Variants in GABRA4 observed in about 807,000 individuals in gnomAD.
GABRA4 encodes the protein gamma-aminobutyric acid type A receptor subunit alpha4, also known as gamma-aminobutyric acid receptor subunit alpha-4.
A neutral mutation model predicts 49.7 loss-of-function variants in GABRA4; 12 were observed. That is an observed-to-expected ratio of 0.24 (90% CI 0.15 to 0.39). The LOEUF (loss-of-function observed/expected upper bound fraction) is 0.39, where lower values mean the gene tolerates loss of function less well. Ranked by LOEUF, GABRA4 falls within the 10% of genes least tolerant of loss-of-function variation. The pLI is 1.00. For synonymous variants in GABRA4, 288 were observed against 240.2 expected, an observed-to-expected ratio of 1.20 and a Z score of -1.84; for missense variants, 506 against 686.0, an observed-to-expected ratio of 0.74 and a Z score of 2.93.
intron 8 of GABRA4, among the ~76,000 whole-genome samples, chr4:46,937,374 G>A (rs1721638497): frequency 6.6e-6 from 1 of 152,092 alleles, no homozygotes; most frequent in Non-Finnish European, 1.5e-5. Context: ...GAAACTAAAA[G>A]AATAATCTAA....
intron 8 of GABRA4, among the ~76,000 whole-genome samples, chr4:46,948,201 C>T (rs1722047830): frequency 6.6e-6 from 1 of 152,038 alleles, no homozygotes; most frequent in Non-Finnish European, 1.5e-5. Context: ...GACTTTGAAC[C>T]CCATCCAGGT....
intron 2 of GABRA4, among the ~76,000 whole-genome samples, chr4:46,987,895 C>G (rs1723597539): frequency 6.6e-6 from 1 of 152,098 alleles, no homozygotes; most frequent in South Asian, 2.1e-4. Flanking sequence ...TCCAGGTTCA[C>G]TAAGAGAATA....
intron 8 of GABRA4, among the ~76,000 whole-genome samples, chr4:46,931,041 G>T (rs776565006): frequency 2.0e-5 from 3 of 152,012 alleles, no homozygotes; most frequent in Non-Finnish European, 4.4e-5. Context: ...ACAGGACAAA[G>T]TACCAGAGAT....
chr4:46,971,739 A>G (rs956203625), intron 6 of GABRA4, among the ~76,000 whole-genome samples: 3 of 151,140 alleles, frequency 2.0e-5, no homozygotes, highest in African/African-American at 7.3e-5. Flanking sequence ...TTTCATTCAT[A>G]TATAGATTTC....
At chr4:46,991,103 T>C (rs1723727077) in intron 2 of GABRA4, among the ~76,000 whole-genome samples, 1 of 152,082 alleles carries the variant, frequency 6.6e-6, no homozygotes, top group Non-Finnish European at 1.5e-5. Context: ...GGAGAATCAC[T>C]TGAACCTGGG....
At chr4:46,949,532 G>A (rs1442033539) in intron 8 of GABRA4, among the ~76,000 whole-genome samples, 4 of 151,928 alleles carry the variant, frequency 2.6e-5, no homozygotes, top group African/African-American at 9.7e-5. Context: ...ACTATCCATT[G>A]TAGATTAATT....
intron 2 of GABRA4, among the ~76,000 whole-genome samples, chr4:46,984,251 C>T (rs1375842844): frequency 1.3e-5 from 2 of 152,048 alleles, no homozygotes; most frequent in African/African-American, 4.8e-5. Context: ...TTTCCAGCCA[C>T]CTTATCCATG....
intron 6 of GABRA4, among the ~76,000 whole-genome samples, chr4:46,973,940 T>G (rs1323647386): frequency 1.3e-5 from 2 of 151,918 alleles, no homozygotes; most frequent in East Asian, 1.9e-4. Context: ...AAGATCAGAC[T>G]TCCTACCACA....
chr4:46,941,587 A>C (rs1433385210), intron 8 of GABRA4, among the ~76,000 whole-genome samples: 1 of 152,134 alleles, frequency 6.6e-6, no homozygotes, highest in Non-Finnish European at 1.5e-5. Flanking sequence ...GTAAAATATT[A>C]CTATAGAATT....
At chr4:46,978,980 A>T in intron 3 of GABRA4, 51 bp downstream of exon 3, 1 of 1,176,564 alleles carries the variant, frequency 8.5e-7, no homozygotes, top group Non-Finnish European at 1.3e-6. Context: ...CCTCTTTTCT[A>T]CATGTTTTCT....
intron 7 of GABRA4, among the ~76,000 whole-genome samples, chr4:46,970,125 A>G (rs899282470): frequency 6.6e-6 from 1 of 151,392 alleles, no homozygotes; most frequent in Non-Finnish European, 1.5e-5. Flanking sequence ...ACCCTAATCA[A>G]TAGTTCTTGA....
chr4:46,979,151 C>T, intron 2 of GABRA4, 53 bp from the exon 3 acceptor site: 1 of 1,124,718 alleles, frequency 8.9e-7, no homozygotes, highest in Non-Finnish European at 1.3e-6. Context: ...ATTTTACAGG[C>T]TGGGAAGGTT....
In GABRA4 at chr4:46,920,466, C is replaced by T. The variant is rs1297704586; in HGVS notation, c.*7759G>A. ...AGACATGAGAAATATTAAACGAGTTCAGCAAAATATTTTATTAAAGAGATG... is the reference window on the plus strand; with the variant it reads ...AGACATGAGAAATATTAAACGAGTTTAGCAAAATATTTTATTAAAGAGATG... On this transcript the variant is annotated 3_prime_UTR_variant, in exon 9 of 9. Coordinates refer to ENST00000264318, the MANE Select transcript of GABRA4 (RefSeq NM_000809.4). The T allele has an allele frequency of 1.3e-5, 2 of 151,300 alleles. No homozygotes were observed. The highest frequency in any genetic ancestry group is 3.0e-5 in the Non-Finnish European group (2 of 67,570). 9.4% of individuals were successfully genotyped at this position (151,300 alleles called of 1,614,324 possible).
chr4:46,984,084 A>G (rs1007387706), intron 2 of GABRA4, among the ~76,000 whole-genome samples: 2 of 152,100 alleles, frequency 1.3e-5, no homozygotes, highest in Non-Finnish European at 2.9e-5. Context: ...ATATGGTTAA[A>G]GGGTGGAATC....
In GABRA4 at chr4:46,977,106, C is replaced by T; in HGVS notation, c.532G>A (p.Asp178Asn). The T allele has an allele frequency of 1.2e-6, 2 of 1,610,170 alleles. No homozygotes were observed. Among genetic ancestry groups the T allele is most frequent in the Middle Eastern group, 1.7e-4 (1 of 6,052 alleles). The change falls in exon 5 of 9, where the codon GAT becomes AAT. Residue 178 changes from aspartate (D) to asparagine (N), a missense_variant. Transcript: ENST00000264318. ...ISAECPMRLV[D>N]FPMDGHACPL... Reference sequence around the variant, plus strand: ...CATGCATGACCATCCATGGGAAAATCCACCAATCTCATGGGACACTCCGCA... The same window carrying T: ...CATGCATGACCATCCATGGGAAAATTCACCAATCTCATGGGACACTCCGCA...
At chr4:46,958,164 G>A (rs865890010) in intron 8 of GABRA4, among the ~76,000 whole-genome samples, 5 of 151,914 alleles carry the variant, frequency 3.3e-5, no homozygotes, top group South Asian at 2.1e-4. Context: ...AATTAATTTC[G>A]ATATTAGGTT....
At chr4:46,990,600 ACTTTT>A (rs964940549) in intron 2 of GABRA4, among the ~76,000 whole-genome samples, 3 of 152,188 alleles carry the variant, frequency 2.0e-5, no homozygotes, top group South Asian at 2.1e-4. Context: ...AGGACTGGAT[ACTTTT>A]CTTATTTTTT....
At chr4:46,932,184 G>A (rs950130766) in intron 8 of GABRA4, among the ~76,000 whole-genome samples, 3 of 152,034 alleles carry the variant, frequency 2.0e-5, no homozygotes, top group African/African-American at 4.8e-5. Context: ...TAATCCACAC[G>A]CTAGCTGAAG....
rs748762573 is a variant in GABRA4 at position 46,993,295 on chromosome 4, C to A, written c.86+44G>T. 9.1e-6 allele frequency: 14 copies of A among 1,543,830 alleles called. No individual in the cohort carries two copies. In the South Asian group the frequency reaches 1.4e-4, roughly 16 times the overall value. ...AAAGGGGTCCCGGAGCTAGCCATTT[C>A]TCCACTTTCCGTTGCCCACCTCCTC... On this transcript the variant is annotated intron_variant, in intron 1 of 8. Coordinates refer to ENST00000264318, the MANE Select transcript of GABRA4 (RefSeq NM_000809.4).
Sources: allele counts gnomAD v4.1 joint callset (sites outside exome capture counted in the v4.1 genomes callset), GRCh38; gene constraint gnomAD v4.1.1; transcripts MANE v1.5; gene names NCBI Gene and HGNC (gene_info 2026-07-23, HGNC 2026-07-21).